CX3CR1: variants seen among roughly 807,000 people sequenced by gnomAD.
CX3CR1 encodes C-X3-C motif chemokine receptor 1, also known as CX3C chemokine receptor 1.
For synonymous variants in CX3CR1, 168 were observed against 178.5 expected, an observed-to-expected ratio of 0.94 and a Z score of 0.47; for missense variants, 363 against 432.4, an observed-to-expected ratio of 0.84 and a Z score of 1.42.
the CX3CR1 span, among the ~76,000 whole-genome samples, chr3:39,289,228 C>A: frequency 6.6e-6 from 1 of 151,932 alleles, no homozygotes; most frequent in Non-Finnish European, 1.5e-5. Flanking sequence ...TAAAGCACTT[C>A]ATATGGTGCT....
upstream of CX3CR1, among the ~76,000 whole-genome samples, chr3:39,284,247 C>T (rs114781653): frequency 0.018 from 2,663 of 152,080 alleles, 73 homozygotes; most frequent in African/African-American, 0.06. Context: ...TGCTGAGGTC[C>T]GCCTCCTGGG....
At position 39,266,009 on chromosome 3, in the gene CX3CR1, GA is replaced by G. The variant is rs2040692391; in HGVS notation, c.500del (p.Phe167SerfsTer41). 3 of 1,614,186 alleles carry G rather than the reference GA, an allele frequency of 1.9e-6. No individual in the cohort carries two copies. Among genetic ancestry groups the G allele is most frequent in the Non-Finnish European group, 1.7e-6 (2 of 1,180,030 alleles). ...GGCATTCATTTTCTTTCTGCTTTGT[GA>G]ACATGAACTGGGGTGCTGCCACCAA... ...AILVAAPQFM[F>X]TKQKENECLG... On this transcript the variant is annotated frameshift_variant, in exon 2 of 2. Coordinates refer to ENST00000399220, the MANE Select transcript of CX3CR1 (RefSeq NM_001337.4). LOFTEE classifies it low-confidence loss of function (END_TRUNC).
upstream of CX3CR1, among the ~76,000 whole-genome samples, chr3:39,283,385 G>T (rs552949549): frequency 6.6e-6 from 1 of 152,178 alleles, no homozygotes; most frequent in Admixed American, 6.5e-5. Flanking sequence ...AATTGGTTCT[G>T]GAAGGTTCTT....
intron 1 of CX3CR1, among the ~76,000 whole-genome samples, chr3:39,271,282 C>G (rs1304448490): frequency 6.6e-6 from 1 of 152,176 alleles, no homozygotes. Flanking sequence ...TCACCCTGAT[C>G]CCAGGGGTGC....
the CX3CR1 span, among the ~76,000 whole-genome samples, chr3:39,289,483 CTG>C: frequency 1.3e-5 from 2 of 152,168 alleles, no homozygotes; most frequent in African/African-American, 2.4e-5. Context: ...ACTCATTGCA[CTG>C]TTTCTGGTCC....
chr3:39,286,822 A>T, the CX3CR1 span: 1 of 152,244 alleles, frequency 6.6e-6, no homozygotes, highest in Non-Finnish European at 1.5e-5. Context: ...CATCCTTTAG[A>T]GGATTAAGTA....
intron 1 of CX3CR1, among the ~76,000 whole-genome samples, chr3:39,276,203 G>A (rs1315758821): frequency 1.3e-5 from 2 of 152,192 alleles, no homozygotes; most frequent in Non-Finnish European, 2.9e-5. Context: ...AGGATGCAGA[G>A]AAAGCCAAGG....
Position 39,265,899 on chromosome 3 carries a change from AG to A in CX3CR1, c.610del (p.Leu204CysfsTer4). 1 of 1,614,228 alleles carries A rather than the reference AG, an allele frequency of 6.2e-7. No homozygotes were observed. The highest frequency in any genetic ancestry group is 8.5e-7 in the Non-Finnish European group (1 of 1,180,028). ...GAAGTAGCAATAACTCATAATGAGC[AG>A]GGGGAGTAGGAAGCCAAGAAAATTT... The part of the protein sequence containing the change: ...ETNFLGFLLP[L>X]LIMSYCYFRI... On this transcript the variant is annotated frameshift_variant, in exon 2 of 2. Coordinates refer to ENST00000399220, the MANE Select transcript of CX3CR1 (RefSeq NM_001337.4). LOFTEE classifies it low-confidence loss of function (END_TRUNC).
intron 1 of CX3CR1, among the ~76,000 whole-genome samples, chr3:39,267,638 G>A (rs1180716445): frequency 1.3e-5 from 2 of 152,194 alleles, no homozygotes; most frequent in African/African-American, 4.8e-5. Context: ...AGAAGGTGTT[G>A]CCATCATTCA....
At chr3:39,269,221 G>A (rs1421200612) in intron 1 of CX3CR1, among the ~76,000 whole-genome samples, 8 of 152,182 alleles carry the variant, frequency 5.3e-5, no homozygotes, top group Admixed American at 6.5e-5. Flanking sequence ...CATGATGAGA[G>A]GAAGGAATGG....
chr3:39,277,073 G>C (rs1177296148), intron 1 of CX3CR1, among the ~76,000 whole-genome samples: 1 of 152,180 alleles, frequency 6.6e-6, no homozygotes, highest in Non-Finnish European at 1.5e-5. Flanking sequence ...ACTGAAAAGA[G>C]ACTTTCCATT....
At chr3:39,283,751 G>A (rs1182758450), upstream of CX3CR1, among the ~76,000 whole-genome samples, 2 of 135,050 alleles carry the variant, frequency 1.5e-5, no homozygotes, top group Non-Finnish European at 3.1e-5. Flanking sequence ...CTGCACTCCA[G>A]CCTGGGCGAA....
Position 39,265,403 on chromosome 3 carries a change from C to A in CX3CR1, c.*39G>T. ...CACTAGTCAGCATCAGGTTCAGGAA[C>A]TCCAGGTTCTCTGTAGACACAAGGC... On this transcript the variant is annotated 3_prime_UTR_variant, in exon 2 of 2. Coordinates refer to ENST00000399220, the MANE Select transcript of CX3CR1 (RefSeq NM_001337.4). 1 of 1,544,098 alleles carries A rather than the reference C, an allele frequency of 6.5e-7. No homozygotes were observed. The highest frequency in any genetic ancestry group is 1.2e-5 in the South Asian group (1 of 80,102).
upstream of CX3CR1, chr3:39,281,370 G>A: frequency 1.2e-6 from 1 of 800,036 alleles, no homozygotes; most frequent in Non-Finnish European, 1.8e-6. Context: ...AGCTGGGCTG[G>A]CTGCCTCAGC....
chr3:39,279,983 A>C lies in CX3CR1; in HGVS notation c.-39T>G. On this transcript the variant is annotated 5_prime_UTR_variant, in exon 1 of 2. Coordinates refer to ENST00000399220, the MANE Select transcript of CX3CR1 (RefSeq NM_001337.4). ...CGTGGACTGCCAAGGGAACCTCTGG[A>C]TCTGCCAGTCAGCCACCCTGTCCTG... 1 of 985,538 alleles carries C rather than the reference A, an allele frequency of 1.0e-6. No homozygotes were observed. Among genetic ancestry groups the C allele is most frequent in the Non-Finnish European group, 1.2e-6 (1 of 830,022 alleles). 61.0% of individuals were successfully genotyped at this position (985,538 alleles called of 1,614,324 possible).
At chr3:39,283,821 ATATATATATATATATATATAAT>A (rs1239753236), upstream of CX3CR1, among the ~76,000 whole-genome samples, 6 of 72,588 alleles carry the variant, frequency 8.3e-5, no homozygotes, top group African/African-American at 3.1e-4. Context: ...ATATATATAT[ATATATATATATATATATATAAT>A]GTGGTTAATA....
chr3:39,281,498 G>A, upstream of CX3CR1: 1 of 967,382 alleles, frequency 1.0e-6, no homozygotes, highest in Non-Finnish European at 1.6e-6. Flanking sequence ...CCCCACATCA[G>A]TAATCCCCTC....
Position 39,275,924 on chromosome 3 carries a change from A to C in CX3CR1, c.-10+4030T>G, listed in dbSNP as rs1220275306. On this transcript the variant is annotated intron_variant, in intron 1 of 1. Coordinates refer to ENST00000399220, the MANE Select transcript of CX3CR1 (RefSeq NM_001337.4). ...GAGGGTGATCAAGAGGATATCACAA[A>C]AAAAAAAAAAAAAATCTGCCGTTTG... Among the ~76,000 whole-genome samples the C allele has an allele frequency of 2.8e-3, 224 of 80,690 alleles. 4 individuals are homozygous for C. Among genetic ancestry groups the C allele is most frequent in the Admixed American group, 0.024 (195 of 8,268 alleles). The allele number at this position is 80,690 out of a possible 152,430, so 52.9% of individuals were successfully genotyped here. A position where few individuals can be genotyped will look rare whatever the true frequency, so the allele number is the denominator to read the frequency against.
At chr3:39,273,364 T>C (rs2040802191) in intron 1 of CX3CR1, among the ~76,000 whole-genome samples, 1 of 152,170 alleles carries the variant, frequency 6.6e-6, no homozygotes, top group Non-Finnish European at 1.5e-5. Context: ...CCAGCAACCA[T>C]AGTGAGGAAA....
Sources: gnomAD v4.1 joint callset for allele counts (sites outside exome capture counted in the v4.1 genomes callset) on GRCh38, gnomAD v4.1.1 for gene constraint, MANE v1.5 for transcripts, NCBI Gene and HGNC (gene_info 2026-07-23, HGNC 2026-07-21) for gene names.